The following NTN4 variants were observed in gnomAD, a reference collection of about 807,000 sequenced individuals.
The protein encoded by NTN4 is netrin 4.
NTN4 carries 32 observed loss-of-function variants against 73.6 expected under a neutral mutation model. That is an observed-to-expected ratio of 0.44 (90% CI 0.33 to 0.58). The LOEUF (loss-of-function observed/expected upper bound fraction) is 0.58. NTN4 is among the 20% of genes least tolerant of loss of function. NTN4 has a pLI of 0.04. For missense variants in NTN4, 654 were observed against 798.3 expected (o/e 0.82, Z 2.18); for synonymous variants, 258 against 287.5 (o/e 0.90, Z 1.04).
chr12:95,783,555 A>G (rs2079147250), intron 2 of NTN4, among the ~76,000 whole-genome samples: 1 of 152,226 alleles, frequency 6.6e-6, no homozygotes, highest in Non-Finnish European at 1.5e-5. Context: ...GGAGGGAGAT[A>G]TAAGATATTC....
At chr12:95,702,347 C>T (rs182945883) in intron 5 of NTN4, among the ~76,000 whole-genome samples, 104 of 149,468 alleles carry the variant, frequency 7.0e-4, no homozygotes, top group African/African-American at 2.4e-3. Flanking sequence ...TGTATTTCAG[C>T]AATTTTACAG....
chr12:95,683,734 G>A (rs370161031), intron 5 of NTN4, 23 bp from the exon 6 acceptor site: 1 of 1,561,024 alleles, frequency 6.4e-7, no homozygotes, highest in Non-Finnish European at 8.7e-7. Flanking sequence ...GGACACGCAA[G>A]GATCAAAGAC....
intron 3 of NTN4, among the ~76,000 whole-genome samples, chr12:95,726,396 C>T (rs1307293071): frequency 6.6e-6 from 1 of 152,140 alleles, no homozygotes; most frequent in African/African-American, 2.4e-5. Flanking sequence ...GTCTAGGTTT[C>T]ACTTAGCACA....
intron 2 of NTN4, among the ~76,000 whole-genome samples, chr12:95,754,398 C>T (rs997319007): frequency 9.2e-5 from 14 of 152,228 alleles, no homozygotes; most frequent in Middle Eastern, 3.4e-3. Context: ...AAATTTTCGC[C>T]GCCCCAATAC....
At chr12:95,748,476 C>CTT (rs762351453) in intron 2 of NTN4, among the ~76,000 whole-genome samples, 4,262 of 105,804 alleles carry the variant, frequency 0.04, 259 homozygotes, top group African/African-American at 0.14. Context: ...ATTTTCTTTT[C>CTT]TTTTTTTTTT....
chr12:95,770,721 C>A (rs2079051039), intron 2 of NTN4, among the ~76,000 whole-genome samples: 1 of 152,198 alleles, frequency 6.6e-6, no homozygotes, highest in Admixed American at 6.5e-5. Context: ...AAGCCTTTTT[C>A]AGTAGCAGCC....
rs1454115615 is a variant in NTN4, at chr12:95,657,852, TAAC to T, written c.*1231_*1233del. Reference sequence around the variant, plus strand: ...ACATATATGAAATATAAAAACAAATTAACAAAGCAATATATATATATATTTGCA... The same window carrying T: ...ACATATATGAAATATAAAAACAAATTAAAGCAATATATATATATATTTGCA... On this transcript the variant is annotated 3_prime_UTR_variant, in exon 10 of 10. Transcript: ENST00000343702. 6.6e-6 allele frequency: 1 copy of T among 152,280 alleles called. No homozygotes were observed. Among genetic ancestry groups the T allele is most frequent in the Non-Finnish European group, 1.5e-5 (1 of 67,956 alleles). 9.4% of individuals were successfully genotyped at this position (152,280 alleles called of 1,614,324 possible).
chr12:95,712,481 C>T (rs1355898423), intron 4 of NTN4, among the ~76,000 whole-genome samples: 3 of 152,234 alleles, frequency 2.0e-5, no homozygotes, highest in Non-Finnish European at 4.4e-5. Context: ...ATGGGATTAA[C>T]ACCACGTGCT....
intron 3 of NTN4, among the ~76,000 whole-genome samples, chr12:95,733,295 G>A (rs529461676): frequency 2.0e-5 from 3 of 152,258 alleles, no homozygotes; most frequent in Admixed American, 1.3e-4. Context: ...CACAATTTCC[G>A]GGATTCCAGC....
chr12:95,704,322 T>C (rs770544432), intron 5 of NTN4, among the ~76,000 whole-genome samples: 9 of 152,200 alleles, frequency 5.9e-5, no homozygotes, highest in Non-Finnish European at 1.0e-4. Context: ...GTTTAAATTT[T>C]TAAAATATCA....
chr12:95,767,720 G>C (rs1484718286), intron 2 of NTN4, among the ~76,000 whole-genome samples: 2 of 152,132 alleles, frequency 1.3e-5, no homozygotes, highest in Non-Finnish European at 1.5e-5. Flanking sequence ...GAAAAACTAA[G>C]CAACGCCCCC....
intron 2 of NTN4, among the ~76,000 whole-genome samples, chr12:95,747,034 A>G (rs953142675): frequency 6.6e-6 from 1 of 152,218 alleles, no homozygotes; most frequent in Non-Finnish European, 1.5e-5. Flanking sequence ...CACAGTTTAT[A>G]AAACTGTACA....
At chr12:95,669,847 A>C (rs1444519954) in intron 8 of NTN4, among the ~76,000 whole-genome samples, 1 of 152,146 alleles carries the variant, frequency 6.6e-6, no homozygotes, top group Non-Finnish European at 1.5e-5. Context: ...TGGTATAATA[A>C]CTCTACCTTT....
At chr12:95,766,807 T>C (rs12319357) in intron 2 of NTN4, among the ~76,000 whole-genome samples, 2,506 of 152,306 alleles carry the variant, frequency 0.016, 68 homozygotes, top group African/African-American at 0.057. Flanking sequence ...TAGCCTAAGA[T>C]TGCATTCGCT....
intron 7 of NTN4, chr12:95,672,738 C>G (rs1360188082): frequency 1.4e-6 from 2 of 1,385,878 alleles, no homozygotes; most frequent in Admixed American, 3.4e-5. Context: ...ATGCAGACCT[C>G]ACAGATGATC....
At chr12:95,715,089 G>A (rs1020822367) in intron 3 of NTN4, among the ~76,000 whole-genome samples, 6 of 152,094 alleles carry the variant, frequency 3.9e-5, no homozygotes, top group South Asian at 2.1e-4. Flanking sequence ...GCAATTATCC[G>A]AGTGTGCTAT....
chr12:95,729,144 A>T (rs1194527862), intron 3 of NTN4, among the ~76,000 whole-genome samples: 1 of 152,132 alleles, frequency 6.6e-6, no homozygotes, highest in Non-Finnish European at 1.5e-5. Flanking sequence ...GCCCTTAGAG[A>T]TGCAAAATTA....
intron 2 of NTN4, among the ~76,000 whole-genome samples, chr12:95,763,817 G>T (rs1484576158): frequency 6.6e-6 from 1 of 152,166 alleles, no homozygotes; most frequent in Non-Finnish European, 1.5e-5. Flanking sequence ...CACAGCTGTT[G>T]GGGAAGAAAT....
intron 5 of NTN4, among the ~76,000 whole-genome samples, chr12:95,684,765 C>A (rs1413385200): frequency 6.6e-6 from 1 of 152,182 alleles, no homozygotes; most frequent in Non-Finnish European, 1.5e-5. Flanking sequence ...TGTATACATA[C>A]ATATATACAC....
Sources: allele counts gnomAD v4.1 joint callset (sites outside exome capture counted in the v4.1 genomes callset), GRCh38; gene constraint gnomAD v4.1.1; transcripts MANE v1.5; gene names NCBI Gene and HGNC (gene_info 2026-07-23, HGNC 2026-07-21).